Variants in PIK3R4 observed in about 807,000 individuals in gnomAD.
PIK3R4 encodes phosphoinositide-3-kinase regulatory subunit 4, also known as phosphoinositide 3-kinase regulatory subunit 4.
PIK3R4 carries 46 observed loss-of-function variants against 136.5 expected under a neutral mutation model. That is an observed-to-expected ratio of 0.34 (90% CI 0.27 to 0.43). PIK3R4 has a LOEUF of 0.43. PIK3R4 is among the 20% of genes least tolerant of loss of function. The probability of loss-of-function intolerance (pLI) is 1.00; values close to 1 mark genes in which losing one functional copy is unlikely to be tolerated. For missense variants in PIK3R4, 1,331 were observed against 1,649.5 expected, an observed-to-expected ratio of 0.81 and a Z score of 3.35; for synonymous variants, 557 against 566.7, an observed-to-expected ratio of 0.98 and a Z score of 0.24.
chr3:130,716,273 TTTAC>T (rs1366812746), intron 9 of PIK3R4, 119 bp downstream of exon 9: 4 of 730,460 alleles, frequency 5.5e-6, no homozygotes, highest in African/African-American at 5.3e-5. Context: ...GTTTGCCAGA[TTTAC>T]TTACTCATTT....
At chr3:130,722,949 C>T (rs1378803532) in intron 7 of PIK3R4, among the ~76,000 whole-genome samples, 1 of 148,732 alleles carries the variant, frequency 6.7e-6, no homozygotes, top group Admixed American at 6.7e-5. Flanking sequence ...CCTGTAACCC[C>T]AGCTACTCAG....
intron 16 of PIK3R4, among the ~76,000 whole-genome samples, chr3:130,682,925 T>G (rs2066467909): frequency 6.6e-6 from 1 of 152,064 alleles, no homozygotes; most frequent in Admixed American, 6.6e-5. Context: ...AAAATGGTCT[T>G]AAGAGGTACA....
Position 130,697,062 on chromosome 3 carries a change from GCTT to G in PIK3R4, c.3099-6411_3099-6409del, listed in dbSNP as rs1226989897. Among the ~76,000 whole-genome samples the G allele has an allele frequency of 5.0e-3, 483 of 96,338 alleles. 8 individuals are homozygous for G. The highest frequency in any genetic ancestry group is 0.017 in the African/African-American group (460 of 27,040). The allele number at this position is 96,338 out of a possible 152,430, so 63.2% of individuals were successfully genotyped here. ...GTTCTATCTGACATTGGCCACTCCA[GCTT>G]TTTTTTTTTTTTTTTTTTTTTTTGA... On this transcript the variant is annotated intron_variant, in intron 13 of 19. Coordinates refer to ENST00000356763, the MANE Select transcript of PIK3R4 (RefSeq NM_014602.3).
intron 2 of PIK3R4, among the ~76,000 whole-genome samples, chr3:130,736,485 C>T (rs987416755): frequency 6.6e-6 from 1 of 152,088 alleles, no homozygotes; most frequent in African/African-American, 2.4e-5. Flanking sequence ...ACAAGAATCA[C>T]TTAAACCCAG....
intron 14 of PIK3R4, among the ~76,000 whole-genome samples, chr3:130,687,071 G>GT (rs35548461): frequency 0.7 from 101,921 of 145,256 alleles, 35,762 homozygotes; most frequent in Non-Finnish European, 0.76. Context: ...TCAGATTTGG[G>GT]TTTTTTTTTT....
chr3:130,716,320 T>A (rs2066664179), intron 9 of PIK3R4, 76 bp downstream of exon 9: 2 of 1,231,892 alleles, frequency 1.6e-6, no homozygotes, highest in South Asian at 1.3e-5. Context: ...AAAAACATTT[T>A]AAAAAACTAA....
chr3:130,743,861 G>C (rs1175394909), intron 2 of PIK3R4, among the ~76,000 whole-genome samples: 1 of 152,140 alleles, frequency 6.6e-6, no homozygotes, highest in Non-Finnish European at 1.5e-5. Flanking sequence ...GGCTGAGTTT[G>C]GGCCTTGCTT....
intron 12 of PIK3R4, among the ~76,000 whole-genome samples, chr3:130,705,335 T>C (rs1486611499): frequency 1.3e-5 from 2 of 152,198 alleles, no homozygotes; most frequent in African/African-American, 4.8e-5. Context: ...ACAGATAGGC[T>C]AAATTATTAC....
In PIK3R4 at chr3:130,735,856, GTAGCA is replaced by G; in HGVS notation, c.867+8_867+12del. The G allele has an allele frequency of 6.2e-7, 1 of 1,600,442 alleles. No individual in the cohort carries two copies. The highest frequency in any genetic ancestry group is 8.5e-7 in the Non-Finnish European group (1 of 1,175,866). ...ATTAAAAACTTTATGGCGAATATTT[GTAGCA>G]TAGTTACCAATTCTCTGATACTGTG... On this transcript the variant is annotated splice_region_variant and intron_variant, in intron 3 of 19. Transcript: ENST00000356763.
chr3:130,680,965 G>C lies in PIK3R4; in HGVS notation c.3797+12C>G. On this transcript the variant is annotated intron_variant, in intron 18 of 19. Coordinates refer to ENST00000356763, the MANE Select transcript of PIK3R4 (RefSeq NM_014602.3). ...AAAGTATCCATTTTATTAAAGTATT[G>C]AGATAGTGTACCTTATTTTCATATC... The C allele has an allele frequency of 1.5e-6, 2 of 1,320,678 alleles. No individual in the cohort carries two copies. Among genetic ancestry groups the C allele is most frequent in the South Asian group, 2.5e-5 (2 of 78,862 alleles). The allele number at this position is 1,320,678 out of a possible 1,614,324, so 81.8% of individuals were successfully genotyped here. A position where few individuals can be genotyped will look rare whatever the true frequency, so the allele number is the denominator to read the frequency against.
At chr3:130,682,996 G>A (rs1195753084) in intron 16 of PIK3R4, among the ~76,000 whole-genome samples, 2 of 152,134 alleles carry the variant, frequency 1.3e-5, no homozygotes, top group African/African-American at 4.8e-5. Context: ...ATAGTGGTTT[G>A]GACTAGGGAG....
chr3:130,697,459 T>A (rs1447081333), intron 13 of PIK3R4, among the ~76,000 whole-genome samples: 2 of 152,212 alleles, frequency 1.3e-5, no homozygotes, highest in African/African-American at 4.8e-5. Flanking sequence ...CTAAAGTGTG[T>A]CTATCATACA....
At chr3:130,694,346 C>T (rs2066535285) in intron 13 of PIK3R4, among the ~76,000 whole-genome samples, 2 of 151,382 alleles carry the variant, frequency 1.3e-5, no homozygotes, top group South Asian at 4.2e-4. Context: ...ATAGAGATGG[C>T]ATCGCATCTG....
chr3:130,733,241 C>T (rs1054156834), intron 4 of PIK3R4, among the ~76,000 whole-genome samples: 8 of 152,008 alleles, frequency 5.3e-5, no homozygotes, highest in Admixed American at 1.3e-4. Context: ...TTCATAAAGG[C>T]CTAAAGACAC....
chr3:130,716,645 C>T (rs1057018816), intron 8 of PIK3R4, 46 bp from the exon 9 acceptor site: 1 of 1,132,252 alleles, frequency 8.8e-7, no homozygotes, highest in African/African-American at 1.6e-5. Flanking sequence ...ATAACATGTA[C>T]AGTTATTTTC....
At chr3:130,737,858 C>T (rs1359608036) in intron 2 of PIK3R4, among the ~76,000 whole-genome samples, 1 of 152,092 alleles carries the variant, frequency 6.6e-6, no homozygotes, top group Non-Finnish European at 1.5e-5. Context: ...AAGTGAAAAA[C>T]AGAATGATTG....
intron 13 of PIK3R4, among the ~76,000 whole-genome samples, chr3:130,692,887 G>T (rs1289485082): frequency 2.0e-5 from 3 of 151,996 alleles, no homozygotes; most frequent in African/African-American, 7.3e-5. Flanking sequence ...CCTTTTAAAG[G>T]GGTTTACAAA....
At chr3:130,690,083 A>G (rs1008369032) in intron 14 of PIK3R4, among the ~76,000 whole-genome samples, 2 of 152,244 alleles carry the variant, frequency 1.3e-5, no homozygotes, top group African/African-American at 4.8e-5. Flanking sequence ...CAGAATGCTG[A>G]CATTTGAGTT....
chr3:130,686,248 G>A lies in PIK3R4; in HGVS notation c.3438C>T (p.Ser1146=), dbSNP rs779757768. The A allele has an allele frequency of 6.2e-7, 1 of 1,613,298 alleles. No individual in the cohort carries two copies. Residue 1146 remains serine, a synonymous_variant, in exon 15 of 20, where the codon TCC becomes TCT. Coordinates refer to ENST00000356763, the MANE Select transcript of PIK3R4 (RefSeq NM_014602.3). ...KHDLKSGLIT[S]FAVDIHQCWL... ...AGCATTGGTGGATGTCCACAGCAAA[G>A]GAAGTGATGAGGCCCGACTTTAAAT...
Sources: gnomAD v4.1 joint callset for allele counts (sites outside exome capture counted in the v4.1 genomes callset) on GRCh38, gnomAD v4.1.1 for gene constraint, MANE v1.5 for transcripts, NCBI Gene and HGNC (gene_info 2026-07-23, HGNC 2026-07-21) for gene names.